PAK5: variants seen among roughly 807,000 people sequenced by gnomAD.
PAK5 encodes the protein serine/threonine-protein kinase PAK 5.
In PAK5, 16 loss-of-function variants were observed where a neutral mutation model predicts 65.9. That is an observed-to-expected ratio of 0.24 (90% CI 0.16 to 0.37). PAK5 has a LOEUF of 0.37. Among genes scored for constraint, PAK5 ranks in the 10% least tolerant of loss-of-function variants. The pLI is 1.00. For synonymous variants in PAK5, 371 were observed against 354.9 expected, an observed-to-expected ratio of 1.05 and a Z score of -0.51; for missense variants, 785 against 903.9, an observed-to-expected ratio of 0.87 and a Z score of 1.69.
chr20:9,703,438 A>G (rs2047964934), intron 2 of PAK5, among the ~76,000 whole-genome samples: 1 of 151,598 alleles, frequency 6.6e-6, no homozygotes, highest in South Asian at 2.1e-4. Flanking sequence ...TCTATGAGGA[A>G]CATCTGGGCC....
intron 1 of PAK5, among the ~76,000 whole-genome samples, chr20:9,719,224 C>A (rs2048186169): frequency 6.6e-6 from 1 of 152,178 alleles, no homozygotes. Context: ...AAAACTATGA[C>A]ATACGGGACT....
chr20:9,645,588 C>CTTT lies in PAK5; in HGVS notation c.-11-1252_-11-1250dup, dbSNP rs767530143. Among the ~76,000 whole-genome samples the CTTT allele has an allele frequency of 3.4e-3, 488 of 144,834 alleles. 6 individuals are homozygous for CTTT. The highest frequency in any genetic ancestry group is 0.012 in the African/African-American group (472 of 39,752). On this transcript the variant is annotated intron_variant, in intron 2 of 9. Coordinates refer to ENST00000353224, the MANE Select transcript of PAK5 (RefSeq NM_177990.4). The stretch of plus-strand genomic sequence containing the variant: ...AGGTAGGTCATATATTCCTACACTT[C>CTTT]TTTTTTTTTTTTTTGAGACAGAGTA...
At chr20:9,777,781 A>T (rs2048901967) in intron 1 of PAK5, among the ~76,000 whole-genome samples, 1 of 152,218 alleles carries the variant, frequency 6.6e-6, no homozygotes, top group Admixed American at 6.5e-5. Context: ...GTCATCGATG[A>T]GGACAGTGGT....
intron 2 of PAK5, among the ~76,000 whole-genome samples, chr20:9,645,387 C>T (rs990728664): frequency 2.0e-5 from 3 of 152,230 alleles, no homozygotes; most frequent in African/African-American, 4.8e-5. Flanking sequence ...GCTAGGTCAC[C>T]TATTCACTGT....
chr20:9,636,728 T>G (rs777092755), intron 3 of PAK5, among the ~76,000 whole-genome samples: 30 of 152,198 alleles, frequency 2.0e-4, no homozygotes, highest in Non-Finnish European at 4.0e-4. Flanking sequence ...AATATTGTAT[T>G]CAATAATCTT....
At position 9,580,904 on chromosome 20, in the gene PAK5, G is replaced by A. The variant is rs1015706809; in HGVS notation, c.231C>T (p.Cys77=). 1 of 1,602,108 alleles carries A rather than the reference G, an allele frequency of 6.2e-7. No homozygotes were observed. The highest frequency in any genetic ancestry group is 8.5e-7 in the Non-Finnish European group (1 of 1,174,306). The change falls in exon 4 of 10, where the codon TGC becomes TGT. Residue 77 remains cysteine (C), a synonymous_variant. Transcript: ENST00000353224. ...GCAGGCCGTTGATGGAGGTTTCCTT[G>A]CAGGGTTTGTTTCCTCTAACGATTG... is the stretch of plus-strand genomic sequence containing the variant. ...MKTIVRGNKP[C]KETSINGLLE...
intron 7 of PAK5, among the ~76,000 whole-genome samples, chr20:9,550,102 G>A (rs1446080442): frequency 1.3e-5 from 2 of 152,178 alleles, no homozygotes; most frequent in East Asian, 3.8e-4. Context: ...TATAGTGTGG[G>A]TGGAAGTGAG....
At chr20:9,711,638 T>C (rs1280939994) in intron 1 of PAK5, among the ~76,000 whole-genome samples, 1 of 152,196 alleles carries the variant, frequency 6.6e-6, no homozygotes, top group Admixed American at 6.6e-5. Context: ...CTCCTCTTAG[T>C]ACCTTGGCTG....
At chr20:9,758,118 TG>T (rs1236960333) in intron 1 of PAK5, among the ~76,000 whole-genome samples, 1 of 152,196 alleles carries the variant, frequency 6.6e-6, no homozygotes, top group Non-Finnish European at 1.5e-5. Context: ...CAATAGCAAA[TG>T]TATGCGATAC....
At chr20:9,624,631 C>T (rs1187572168) in intron 3 of PAK5, among the ~76,000 whole-genome samples, 3 of 151,820 alleles carry the variant, frequency 2.0e-5, no homozygotes, top group Non-Finnish European at 4.4e-5. Context: ...CAAGTCACAG[C>T]GATCTCAAAC....
chr20:9,670,542 A>G (rs1462445676), intron 2 of PAK5, among the ~76,000 whole-genome samples: 8 of 152,078 alleles, frequency 5.3e-5, no homozygotes, highest in East Asian at 1.9e-4. Context: ...GCATTTTTTC[A>G]TGTGTCTGTT....
At chr20:9,672,924 C>A (rs1301819479) in intron 2 of PAK5, among the ~76,000 whole-genome samples, 2 of 152,118 alleles carry the variant, frequency 1.3e-5, no homozygotes, top group East Asian at 3.9e-4. Context: ...GCAATTCCTG[C>A]ATTAGATGGG....
At chr20:9,540,987 C>T (rs770016442) in intron 9 of PAK5, among the ~76,000 whole-genome samples, 1 of 152,158 alleles carries the variant, frequency 6.6e-6, no homozygotes, top group Admixed American at 6.5e-5. Flanking sequence ...CCGCCCACCT[C>T]GGCCTTCCAG....
chr20:9,673,932 C>T (rs1285607720), intron 2 of PAK5, among the ~76,000 whole-genome samples: 1 of 152,190 alleles, frequency 6.6e-6, no homozygotes, highest in South Asian at 2.1e-4. Context: ...AGCTTAAAAT[C>T]TGGTGAGAAA....
chr20:9,834,818 T>C (rs1979015041), intron 1 of PAK5, among the ~76,000 whole-genome samples: 1 of 152,168 alleles, frequency 6.6e-6, no homozygotes, highest in South Asian at 2.1e-4. Context: ...ATGATTATTA[T>C]TTATTGTTTA....
chr20:9,795,940 T>C (rs929750146), intron 1 of PAK5, among the ~76,000 whole-genome samples: 1 of 152,110 alleles, frequency 6.6e-6, no homozygotes, highest in Non-Finnish European at 1.5e-5. Context: ...TAAATATATG[T>C]CCATATCAGC....
intron 1 of PAK5, among the ~76,000 whole-genome samples, chr20:9,827,854 CAG>C (rs1190671533): frequency 6.6e-6 from 1 of 152,154 alleles, no homozygotes; most frequent in African/African-American, 2.4e-5. Context: ...TATTTAGAGA[CAG>C]AGTCTTGCTT....
intron 3 of PAK5, among the ~76,000 whole-genome samples, chr20:9,618,910 CTTTCGTT>C (rs2046713491): frequency 3.8e-5 from 1 of 26,426 alleles, no homozygotes; most frequent in Non-Finnish European, 7.7e-5. Flanking sequence ...CTCTCTCTTT[CTTTCGTT>C]TTTTTTTTTT....
chr20:9,775,014 C>T, intron 1 of PAK5, among the ~76,000 whole-genome samples: 1 of 152,046 alleles, frequency 6.6e-6, no homozygotes, highest in East Asian at 1.9e-4. Flanking sequence ...ATCTCAGAGG[C>T]ATATACTAAT....
Sources: gnomAD v4.1 joint callset for allele counts (sites outside exome capture counted in the v4.1 genomes callset) on GRCh38, gnomAD v4.1.1 for gene constraint, MANE v1.5 for transcripts, NCBI Gene and HGNC (gene_info 2026-07-23, HGNC 2026-07-21) for gene names.